PTGFRN: variants seen among roughly 807,000 people sequenced by gnomAD.
PTGFRN encodes prostaglandin F2 receptor inhibitor.
In PTGFRN, 35 loss-of-function variants were observed where a neutral mutation model predicts 83.2. The observed-to-expected ratio is 0.42, with a 90% CI of 0.32 to 0.56. The LOEUF (loss-of-function observed/expected upper bound fraction) is 0.56, where lower values mean the gene tolerates loss of function less well. Ranked by LOEUF, PTGFRN falls within the 20% of genes least tolerant of loss-of-function variation. The pLI, the probability that PTGFRN is intolerant of heterozygous loss-of-function variation, is 0.11. For synonymous variants in PTGFRN, 519 were observed against 498.6 expected, an observed-to-expected ratio of 1.04 and a Z score of -0.55; for missense variants, 1,051 against 1,179.5, an observed-to-expected ratio of 0.89 and a Z score of 1.60.
intron 1 of PTGFRN, among the ~76,000 whole-genome samples, chr1:116,921,197 C>T (rs1211866419): frequency 6.6e-6 from 1 of 152,206 alleles, no homozygotes; most frequent in Non-Finnish European, 1.5e-5. Context: ...GATGCTGCTG[C>T]TAAGCCTAGT....
intron 3 of PTGFRN, 128 bp from the exon 4 acceptor site, chr1:116,949,064 A>G: frequency 1.7e-6 from 2 of 1,167,892 alleles, no homozygotes; most frequent in East Asian, 2.5e-5. Context: ...AGCACTTACA[A>G]CTGTACAAAG....
chr1:116,957,125 CT>C, intron 4 of PTGFRN, among the ~76,000 whole-genome samples: 1 of 126,224 alleles, frequency 7.9e-6, no homozygotes, highest in Non-Finnish European at 1.8e-5. Flanking sequence ...CTCTCTCTCT[CT>C]TTCTCTCTCT....
chr1:116,957,417 A>C (rs909238334), intron 4 of PTGFRN, among the ~76,000 whole-genome samples: 1 of 151,980 alleles, frequency 6.6e-6, no homozygotes, highest in Non-Finnish European at 1.5e-5. Context: ...CACAGGAGCT[A>C]GTTTTGACCA....
At chr1:116,967,822 A>G (rs1446461709) in intron 6 of PTGFRN, among the ~76,000 whole-genome samples, 3 of 152,238 alleles carry the variant, frequency 2.0e-5, no homozygotes, top group Non-Finnish European at 4.4e-5. Context: ...GTGTTTATCC[A>G]TTCATCAGTT....
intron 1 of PTGFRN, among the ~76,000 whole-genome samples, chr1:116,932,881 A>G (rs1017197953): frequency 6.6e-6 from 1 of 152,218 alleles, no homozygotes; most frequent in Non-Finnish European, 1.5e-5. Flanking sequence ...TTTGGGTTTG[A>G]GTCCCTCACG....
rs766664337 is a variant in PTGFRN, at chr1:116,941,571, T to G, written c.50-144T>G. The G allele has an allele frequency of 1.7e-6, 2 of 1,168,590 alleles. No individual in the cohort carries two copies. Among genetic ancestry groups the G allele is most frequent in the African/African-American group, 1.5e-5 (1 of 65,102 alleles). The allele number at this position is 1,168,590 out of a possible 1,614,324, so 72.4% of individuals were successfully genotyped here. ...CATTATTTAAGGGTTAGGCTTAACCTTCTGCATAGATACATTTTCCCTAGT... is the reference window on the plus strand; with the variant it reads ...CATTATTTAAGGGTTAGGCTTAACCGTCTGCATAGATACATTTTCCCTAGT... On this transcript the variant is annotated intron_variant, in intron 1 of 8. Transcript: ENST00000393203. The surrounding 1 kb of genome is among the most constrained non-coding windows in gnomAD (Gnocchi z 5.0).
rs141321629 is a variant in PTGFRN, at chr1:116,958,508, C to T, written c.1214-2735C>T. 8.5e-5 allele frequency among the ~76,000 whole-genome samples: 13 copies of T among 152,244 alleles called. No individual in the cohort carries two copies. The highest frequency in any genetic ancestry group is 3.1e-4 in the African/African-American group (13 of 41,530). ...GGCCAAGTCACTAACTTCTTTAAAG[C>T]TCTCCCCTCAGAAATGGGAACTGTG... On this transcript the variant is annotated intron_variant, in intron 4 of 8. Coordinates refer to ENST00000393203, the MANE Select transcript of PTGFRN (RefSeq NM_020440.4). The surrounding 1 kb of genome is among the most constrained non-coding windows in gnomAD (Gnocchi z 4.9).
intron 1 of PTGFRN, among the ~76,000 whole-genome samples, chr1:116,919,765 C>G (rs1649494823): frequency 6.6e-6 from 1 of 152,192 alleles, no homozygotes. Context: ...CCATGTTAGT[C>G]AAAATATATC....
chr1:116,947,891 A>AAAAGGCT (rs1650241839), intron 3 of PTGFRN, among the ~76,000 whole-genome samples: 1 of 152,220 alleles, frequency 6.6e-6, no homozygotes, highest in Non-Finnish European at 1.5e-5. Flanking sequence ...GGAGAAATTG[A>AAAAGGCT]ACTTTTAAAT....
At chr1:116,981,945 A>C (rs1651332899) in intron 7 of PTGFRN, among the ~76,000 whole-genome samples, 1 of 152,112 alleles carries the variant, frequency 6.6e-6, no homozygotes, top group Admixed American at 6.5e-5. Flanking sequence ...TTTATGGGAG[A>C]TGTTAGAAAA....
intron 1 of PTGFRN, among the ~76,000 whole-genome samples, chr1:116,915,086 A>G (rs1016482295): frequency 3.5e-4 from 53 of 152,250 alleles, no homozygotes; most frequent in Non-Finnish European, 2.9e-5. Flanking sequence ...TAGCAGACCT[A>G]GGATCTGATC....
chr1:116,956,313 A>G (rs1049180786), intron 4 of PTGFRN, among the ~76,000 whole-genome samples: 2 of 152,248 alleles, frequency 1.3e-5, no homozygotes, highest in African/African-American at 4.8e-5. Flanking sequence ...TTTTAAGAGA[A>G]AATGAAGAGA....
chr1:116,962,860 C>G (rs929169103), intron 5 of PTGFRN, among the ~76,000 whole-genome samples: 3 of 152,244 alleles, frequency 2.0e-5, no homozygotes, highest in Non-Finnish European at 4.4e-5. Context: ...TCACGTCTCT[C>G]TCACTAGGGT....
At chr1:116,934,054 T>G (rs1033030681) in intron 1 of PTGFRN, among the ~76,000 whole-genome samples, 4 of 152,194 alleles carry the variant, frequency 2.6e-5, no homozygotes, top group African/African-American at 7.2e-5. Flanking sequence ...TCTCATAGAT[T>G]CTTGTCTGGC....
At position 116,910,887 on chromosome 1, in the gene PTGFRN, G is replaced by A. The variant is rs957390750; in HGVS notation, c.49+635G>A. Among the ~76,000 whole-genome samples, 3 of 152,164 alleles carry A rather than the reference G, an allele frequency of 2.0e-5. No homozygotes were observed. In the East Asian group the frequency reaches 5.8e-4, roughly 29 times the overall value. On this transcript the variant is annotated intron_variant, in intron 1 of 8. Coordinates refer to ENST00000393203, the MANE Select transcript of PTGFRN (RefSeq NM_020440.4). ...TAGCTTTTCTTGAAGCTGCCTAGCT[G>A]CGTATTTATACACAAAGACCTAAAA...
intron 1 of PTGFRN, among the ~76,000 whole-genome samples, chr1:116,916,118 A>G (rs568643973): frequency 1.3e-5 from 2 of 152,304 alleles, no homozygotes; most frequent in South Asian, 2.1e-4. Context: ...TGATTTCTCC[A>G]CAATACTCTG....
chr1:116,920,596 A>G (rs2250737), intron 1 of PTGFRN, among the ~76,000 whole-genome samples: 25,616 of 152,138 alleles, frequency 0.17, 4,480 homozygotes, highest in African/African-American at 0.44. Context: ...TTTGGCTTTT[A>G]CACCCTTCCT....
At chr1:116,964,364 C>T (rs1051995254) in intron 5 of PTGFRN, among the ~76,000 whole-genome samples, 1 of 152,174 alleles carries the variant, frequency 6.6e-6, no homozygotes, top group African/African-American at 2.4e-5. Flanking sequence ...ATTCCCTCCT[C>T]CTGGGAATGC....
intron 5 of PTGFRN, among the ~76,000 whole-genome samples, chr1:116,966,258 A>G (rs1650827679): frequency 6.6e-6 from 1 of 152,274 alleles, no homozygotes; most frequent in African/African-American, 2.4e-5. Context: ...TAGCGTAGCC[A>G]TAGACACCTC....
Sources: gnomAD v4.1 joint callset for allele counts (sites outside exome capture counted in the v4.1 genomes callset) on GRCh38, gnomAD v4.1.1 for gene constraint, Gnocchi (gnomAD v3.1) non-coding constraint, MANE v1.5 for transcripts, NCBI Gene and HGNC (gene_info 2026-07-23, HGNC 2026-07-21) for gene names.